Variants in MBD5 observed in about 807,000 individuals in gnomAD.
The protein encoded by MBD5 is methyl-CpG-binding domain protein 5.
Under a neutral mutation model 117.3 loss-of-function variants are expected in MBD5, and 13 were observed. The ratio of observed to expected loss-of-function variants is 0.11; its 90% CI spans 0.07 to 0.18. MBD5 has a LOEUF of 0.18. Ranked by LOEUF, MBD5 falls within the 10% of genes least tolerant of loss-of-function variation. The pLI, the probability that MBD5 is intolerant of heterozygous loss-of-function variation, is 1.00. For synonymous variants in MBD5, 727 were observed against 766.4 expected, an observed-to-expected ratio of 0.95 and a Z score of 0.85; for missense variants, 1,879 against 2,093.8, an observed-to-expected ratio of 0.90 and a Z score of 2.00.
At chr2:148,280,242 G>T (rs1701218400) in intron 3 of MBD5, among the ~76,000 whole-genome samples, 1 of 151,238 alleles carries the variant, frequency 6.6e-6, no homozygotes, top group Non-Finnish European at 1.5e-5. Flanking sequence ...ATTGCTTAGT[G>T]TATCCTTTAG....
chr2:148,347,588 C>G (rs1259168010), intron 4 of MBD5: 1 of 151,940 alleles, frequency 6.6e-6, no homozygotes. Flanking sequence ...CCAAAATGTT[C>G]TTGCCCCAAA....
intron 1 of MBD5, among the ~76,000 whole-genome samples, chr2:148,043,513 C>T (rs951381543): frequency 2.0e-5 from 3 of 148,086 alleles, no homozygotes; most frequent in Non-Finnish European, 4.5e-5. Context: ...GTTACTTGGG[C>T]TCAGGAATCT....
intron 3 of MBD5, among the ~76,000 whole-genome samples, chr2:148,268,226 G>T (rs1024264492): frequency 9.2e-5 from 14 of 151,906 alleles, no homozygotes; most frequent in Non-Finnish European, 1.9e-4. Context: ...GCTGGAATCA[G>T]CTGGGATGAG....
intron 1 of MBD5, among the ~76,000 whole-genome samples, chr2:148,126,376 A>T (rs1322018169): frequency 6.9e-6 from 1 of 144,862 alleles, no homozygotes; most frequent in Non-Finnish European, 1.5e-5. Flanking sequence ...ACTGTACTCC[A>T]TCATGGGTGA....
chr2:148,509,613 C>G (rs2105274892), intron 12 of MBD5, among the ~76,000 whole-genome samples: 1 of 152,318 alleles, frequency 6.6e-6, no homozygotes. Flanking sequence ...CCAGAGAGGA[C>G]AGAGGGAGCT....
chr2:148,397,885 G>A (rs1272795261), intron 4 of MBD5, among the ~76,000 whole-genome samples: 1 of 150,214 alleles, frequency 6.7e-6, no homozygotes, highest in African/African-American at 2.5e-5. Context: ...TCCCACCTAT[G>A]AGTGAGAACA....
At chr2:148,208,399 A>G (rs1201605623) in intron 2 of MBD5, among the ~76,000 whole-genome samples, 1 of 152,066 alleles carries the variant, frequency 6.6e-6, no homozygotes, top group Non-Finnish European at 1.5e-5. Context: ...GACTACAAGC[A>G]TGCGCTCCAA....
At chr2:148,164,407 A>G (rs555281811) in intron 1 of MBD5, among the ~76,000 whole-genome samples, 1 of 152,226 alleles carries the variant, frequency 6.6e-6, no homozygotes, top group African/African-American at 2.4e-5. Context: ...GGGTCCATAG[A>G]GAAGGGGACA....
At chr2:148,463,665 T>C (rs1308938087) in intron 6 of MBD5, 74 bp from the exon 7 acceptor site, 3 of 1,567,568 alleles carry the variant, frequency 1.9e-6, no homozygotes, top group African/African-American at 2.7e-5. Context: ...GCACAACTTT[T>C]TTTTTAAACA....
intron 1 of MBD5, among the ~76,000 whole-genome samples, chr2:148,177,249 T>C (rs1371021706): frequency 6.6e-6 from 1 of 152,218 alleles, no homozygotes; most frequent in East Asian, 1.9e-4. Flanking sequence ...TGTTCATATG[T>C]GTGCTTTAGA....
At chr2:148,318,226 G>T (rs1290023933) in intron 3 of MBD5, among the ~76,000 whole-genome samples, 1 of 150,736 alleles carries the variant, frequency 6.6e-6, no homozygotes, top group East Asian at 1.9e-4. Flanking sequence ...GCATTTTTTC[G>T]TGTGTTTGTT....
At chr2:148,247,182 T>C (rs757921374) in intron 3 of MBD5, among the ~76,000 whole-genome samples, 6 of 152,198 alleles carry the variant, frequency 3.9e-5, no homozygotes, top group Non-Finnish European at 5.9e-5. Flanking sequence ...CTTGAAACCA[T>C]GGTTGGTATA....
chr2:148,270,363 T>G, intron 3 of MBD5, among the ~76,000 whole-genome samples: 1 of 151,626 alleles, frequency 6.6e-6, no homozygotes, highest in Non-Finnish European at 1.5e-5. Context: ...TTCAATATTT[T>G]AGAGAGGAAA....
chr2:148,505,538 C>T (rs1331297550), intron 12 of MBD5, among the ~76,000 whole-genome samples: 1 of 152,052 alleles, frequency 6.6e-6, no homozygotes, highest in Non-Finnish European at 1.5e-5. Context: ...ACTGAAAAAT[C>T]CCCATCAGAT....
At chr2:148,095,389 A>G (rs1696043267) in intron 1 of MBD5, among the ~76,000 whole-genome samples, 1 of 152,188 alleles carries the variant, frequency 6.6e-6, no homozygotes, top group South Asian at 2.1e-4. Flanking sequence ...TGCTCAAGAA[A>G]TGATTTATAG....
At chr2:148,230,009 C>G (rs1359481957) in intron 2 of MBD5, among the ~76,000 whole-genome samples, 1 of 152,176 alleles carries the variant, frequency 6.6e-6, no homozygotes, top group Non-Finnish European at 1.5e-5. Context: ...GAAGCCAGCA[C>G]AGCACTGGGT....
chr2:148,090,801 T>C (rs1695921997), intron 1 of MBD5, among the ~76,000 whole-genome samples: 1 of 152,078 alleles, frequency 6.6e-6, no homozygotes. Context: ...GGATGTCCAC[T>C]TTCACCACTT....
chr2:148,088,402 C>A (rs769942304), intron 1 of MBD5, among the ~76,000 whole-genome samples: 1 of 152,072 alleles, frequency 6.6e-6, no homozygotes, highest in Admixed American at 6.5e-5. Context: ...CCCAAGCACA[C>A]GGTCATCAGG....
intron 4 of MBD5, among the ~76,000 whole-genome samples, chr2:148,400,390 G>T (rs1704881336): frequency 6.6e-6 from 1 of 152,066 alleles, no homozygotes; most frequent in African/African-American, 2.4e-5. Flanking sequence ...TTTTCTCCCA[G>T]TTATTTTCTC....
Sources: gnomAD v4.1 joint callset for allele counts (sites outside exome capture counted in the v4.1 genomes callset) on GRCh38, gnomAD v4.1.1 for gene constraint, MANE v1.5 for transcripts, NCBI Gene and HGNC (gene_info 2026-07-23, HGNC 2026-07-21) for gene names.